The following SLC39A10 variants were observed in gnomAD, a reference collection of about 807,000 sequenced individuals.
SLC39A10 encodes the protein zinc transporter ZIP10.
SLC39A10 carries 13 observed loss-of-function variants against 65.1 expected under a neutral mutation model. That is an observed-to-expected ratio of 0.20 (90% CI 0.13 to 0.32). SLC39A10 has a LOEUF of 0.32. SLC39A10 is among the 10% of genes least tolerant of loss of function. The pLI is 1.00. For missense variants in SLC39A10, 831 were observed against 1,018.4 expected (o/e 0.82, Z 2.50); for synonymous variants, 321 against 342.2 (o/e 0.94, Z 0.68).
intron 3 of SLC39A10, among the ~76,000 whole-genome samples, chr2:195,698,340 A>G (rs1287435619): frequency 1.3e-5 from 2 of 152,280 alleles, no homozygotes; most frequent in East Asian, 3.9e-4. Context: ...TTGTTTGGCT[A>G]GAACTTCCAG....
At chr2:195,656,126 A>G (rs3820751), upstream of SLC39A10, among the ~76,000 whole-genome samples, 91 of 152,256 alleles carry the variant, frequency 6.0e-4, no homozygotes, top group East Asian at 0.015. Context: ...TATTTTCTCT[A>G]CTAGACACCA....
intron 7 of SLC39A10, 145 bp from the exon 8 acceptor site, chr2:195,718,107 A>G (rs765872968): frequency 5.6e-6 from 3 of 531,582 alleles, no homozygotes; most frequent in Non-Finnish European, 1.0e-5. Context: ...TATATGTTCA[A>G]AAACTATAGT....
At chr2:195,698,606 A>G (rs1691064288) in intron 3 of SLC39A10, among the ~76,000 whole-genome samples, 1 of 151,934 alleles carries the variant, frequency 6.6e-6, no homozygotes, top group Non-Finnish European at 1.5e-5. Context: ...TTCTGTTAAT[A>G]CATATGGATT....
rs1559057965 is a variant in SLC39A10, at chr2:195,737,481, CA to C, written c.*2442del. 1.3e-5 allele frequency: 2 copies of C among 159,542 alleles called. No homozygotes were observed. The highest frequency in any genetic ancestry group is 4.9e-5 in the African/African-American group (2 of 41,048). 9.9% of individuals were successfully genotyped at this position (159,542 alleles called of 1,614,324 possible). A position where few individuals can be genotyped will look rare whatever the true frequency, so the allele number is the denominator to read the frequency against. On this transcript the variant is annotated 3_prime_UTR_variant, in exon 10 of 10. Transcript: ENST00000359634. ...TGAATTTTTTCCATTAACAAACAAA[CA>C]AGTCAGTGGCTTAAATGTGATTATG...
At chr2:195,639,110 C>T (rs962378316) in intron 2 of SLC39A10, among the ~76,000 whole-genome samples, 4 of 152,214 alleles carry the variant, frequency 2.6e-5, no homozygotes, top group African/African-American at 9.6e-5. Context: ...CACACACCAC[C>T]ATGCTTGGCG....
chr2:195,653,993 C>T (rs1329479875), upstream of SLC39A10, among the ~76,000 whole-genome samples: 2 of 152,150 alleles, frequency 1.3e-5, no homozygotes, highest in East Asian at 3.8e-4. Flanking sequence ...GGCTGGAGTG[C>T]AATGGCATGA....
intron 1 of SLC39A10, among the ~76,000 whole-genome samples, chr2:195,668,056 CAG>C (rs1421774941): frequency 1.3e-5 from 2 of 152,262 alleles, no homozygotes; most frequent in South Asian, 4.1e-4. Flanking sequence ...TAATAAATGG[CAG>C]AGTCAGATCT....
chr2:195,676,034 T>C (rs566323244), intron 1 of SLC39A10, among the ~76,000 whole-genome samples: 12 of 152,294 alleles, frequency 7.9e-5, no homozygotes, highest in African/African-American at 2.9e-4. Flanking sequence ...CAACCTGTTT[T>C]ATGTTCTTTT....
intron 3 of SLC39A10, among the ~76,000 whole-genome samples, chr2:195,693,381 A>G (rs1690817854): frequency 6.6e-6 from 1 of 152,156 alleles, no homozygotes; most frequent in African/African-American, 2.4e-5. Flanking sequence ...ATCCTGAGGA[A>G]TAGTGTCCGT....
chr2:195,614,321 G>C (rs1222968463), intron 2 of SLC39A10, among the ~76,000 whole-genome samples: 3 of 152,110 alleles, frequency 2.0e-5, no homozygotes, highest in Admixed American at 6.5e-5. Flanking sequence ...ATTTTTGTTT[G>C]TATTGTAATT....
chr2:195,731,450 T>C (rs1692430822), intron 9 of SLC39A10, among the ~76,000 whole-genome samples: 1 of 152,208 alleles, frequency 6.6e-6, no homozygotes, highest in South Asian at 2.1e-4. Context: ...AACACCATTT[T>C]ACTTATTTAT....
chr2:195,697,017 T>C (rs1401565689), intron 3 of SLC39A10, among the ~76,000 whole-genome samples: 1 of 152,136 alleles, frequency 6.6e-6, no homozygotes, highest in East Asian at 1.9e-4. Flanking sequence ...AAGTGAATCA[T>C]GATAAAGGTC....
intron 3 of SLC39A10, among the ~76,000 whole-genome samples, chr2:195,694,614 G>C: frequency 6.6e-6 from 1 of 152,062 alleles, no homozygotes; most frequent in East Asian, 1.9e-4. Flanking sequence ...CTTCAGGTCT[G>C]TCAGCTGTGG....
At chr2:195,713,302 G>A (rs112032948) in intron 5 of SLC39A10, 131 bp from the exon 6 acceptor site, 28 of 684,964 alleles carry the variant, frequency 4.1e-5, no homozygotes, top group Non-Finnish European at 5.1e-5. Context: ...TTTTTTTCAC[G>A]CCCCTTTAAA....
At position 195,733,822 on chromosome 2, in the gene SLC39A10, C is replaced by T. The variant is rs949208341; in HGVS notation, c.2338-1061C>T. On this transcript the variant is annotated intron_variant, in intron 9 of 9. Transcript: ENST00000359634. ...CTGGGATTACAGGCATGAGCCACAA[C>T]GCCCAGCCATATATAAACTTTTCAA... 7.2e-5 allele frequency among the ~76,000 whole-genome samples: 11 copies of T among 152,276 alleles called. No individual in the cohort carries two copies. The East Asian group carries it at 1.4e-3, about 19-fold the overall frequency.
At chr2:195,649,067 C>G (rs774437616) in intron 2 of SLC39A10, among the ~76,000 whole-genome samples, 1 of 152,106 alleles carries the variant, frequency 6.6e-6, no homozygotes, top group Non-Finnish European at 1.5e-5. Context: ...TCGCTAACCA[C>G]CGGGCACTGC....
intron 2 of SLC39A10, among the ~76,000 whole-genome samples, chr2:195,625,283 C>G (rs1165389011): frequency 2.1e-5 from 3 of 139,748 alleles, no homozygotes; most frequent in Admixed American, 1.5e-4. Flanking sequence ...CTTTTTTTTT[C>G]TTTTTTTTTG....
At chr2:195,677,813 G>T (rs915077705) in intron 1 of SLC39A10, among the ~76,000 whole-genome samples, 2 of 147,240 alleles carry the variant, frequency 1.4e-5, no homozygotes, top group Admixed American at 1.4e-4. Context: ...GCAGTGGCAC[G>T]ATCAGGGCTC....
At chr2:195,618,357 A>AC (rs1217386138) in intron 2 of SLC39A10, among the ~76,000 whole-genome samples, 3 of 151,640 alleles carry the variant, frequency 2.0e-5, no homozygotes, top group Non-Finnish European at 2.9e-5. Context: ...TCTCACCAAA[A>AC]AAAAAAAAAA....
Sources: allele counts gnomAD v4.1 joint callset (sites outside exome capture counted in the v4.1 genomes callset), GRCh38; gene constraint gnomAD v4.1.1; transcripts MANE v1.5; gene names NCBI Gene and HGNC (gene_info 2026-07-23, HGNC 2026-07-21).